PROSER1: variants seen among roughly 807,000 people sequenced by gnomAD.
PROSER1 encodes the protein proline and serine-rich protein 1.
In PROSER1, 36 loss-of-function variants were observed where a neutral mutation model predicts 71.8. That is an observed-to-expected ratio of 0.50 (90% CI 0.38 to 0.66). The LOEUF (loss-of-function observed/expected upper bound fraction) is 0.66, where lower values mean the gene tolerates loss of function less well. Among genes scored for constraint, PROSER1 ranks in the 30% least tolerant of loss-of-function variants. The pLI, the probability that PROSER1 is intolerant of heterozygous loss-of-function variation, is 0.00. For missense variants in PROSER1, 1,107 were observed against 1,135.0 expected (o/e 0.98, Z 0.35); for synonymous variants, 490 against 452.4 (o/e 1.08, Z -1.06).
At position 39,013,454 on chromosome 13, in the gene PROSER1, C is replaced by T. The variant is rs774465997; in HGVS notation, c.1798G>A (p.Ala600Thr). 110 of 1,614,066 alleles carry T rather than the reference C, an allele frequency of 6.8e-5. No individual in the cohort carries two copies. The highest frequency in any genetic ancestry group is 9.1e-5 in the Non-Finnish European group (107 of 1,180,028). The change falls in exon 11 of 13, where the codon GCA (alanine) becomes ACA (threonine). Residue 600 changes from alanine (A) to threonine (T), a missense_variant. Transcript: ENST00000352251. The part of the protein sequence containing the change: ...SDLHISSTPA[A>T]TTLPVMIKTE... ...TTGATCATAACAGGAAGAGTTGTTG[C>T]AGCAGGGGTAGATGAAATATGCAGA... is the stretch of plus-strand genomic sequence containing the variant.
chr13:39,019,733 A>C (rs1870201423), intron 9 of PROSER1, among the ~76,000 whole-genome samples: 1 of 152,012 alleles, frequency 6.6e-6, no homozygotes, highest in African/African-American at 2.4e-5. Context: ...AAAGGTAAGA[A>C]AAACAAAACT....
chr13:39,025,060 G>T (rs1402755142), intron 6 of PROSER1, among the ~76,000 whole-genome samples: 1 of 151,962 alleles, frequency 6.6e-6, no homozygotes, highest in Non-Finnish European at 1.5e-5. Flanking sequence ...AGTATGTTCT[G>T]ATTTTTCTTC....
intron 6 of PROSER1, among the ~76,000 whole-genome samples, chr13:39,025,186 A>G (rs559378578): frequency 6.6e-6 from 1 of 152,332 alleles, no homozygotes; most frequent in Non-Finnish European, 1.5e-5. Context: ...GGTGTTCTCT[A>G]TAAAGATTAA....
At chr13:39,022,679 T>C (rs1446819732) in intron 8 of PROSER1, 1 of 418,772 alleles carries the variant, frequency 2.4e-6, no homozygotes, top group Non-Finnish European at 4.3e-6. Flanking sequence ...CAGAACCTGC[T>C]ATACTTACAT....
In PROSER1 at chr13:39,011,116, A is replaced by C; in HGVS notation, c.*249T>G. 2.5e-6 allele frequency: 1 copy of C among 407,594 alleles called. No individual in the cohort carries two copies. Among genetic ancestry groups the C allele is most frequent in the Non-Finnish European group, 4.5e-6 (1 of 224,428 alleles). 25.2% of individuals were successfully genotyped at this position (407,594 alleles called of 1,614,324 possible). A position where few individuals can be genotyped will look rare whatever the true frequency, so the allele number is the denominator to read the frequency against. On this transcript the variant is annotated 3_prime_UTR_variant, in exon 13 of 13. Transcript: ENST00000352251. ...CATACACAATTCAAAATTTTATAGG[A>C]CAGGTGAAAAGTCTCCAAACACTTT... is the stretch of plus-strand genomic sequence containing the variant.
chr13:39,021,806 TCTC>T (rs1870303491), intron 9 of PROSER1, among the ~76,000 whole-genome samples: 2 of 152,202 alleles, frequency 1.3e-5, no homozygotes, highest in Admixed American at 1.3e-4. Flanking sequence ...TTTGGATGCC[TCTC>T]CTATGAGTTT....
intron 9 of PROSER1, chr13:39,017,841 T>C (rs954479193): frequency 3.6e-6 from 1 of 274,916 alleles, no homozygotes; most frequent in African/African-American, 2.3e-5. Context: ...ACACTGTTAA[T>C]TTTACATATA....
chr13:39,033,622 G>C (rs17059021), intron 2 of PROSER1, among the ~76,000 whole-genome samples: 2,265 of 152,248 alleles, frequency 0.015, 54 homozygotes, highest in African/African-American at 0.052. Context: ...GTGGAATGAA[G>C]TTTTCACTAA....
At chr13:39,015,934 A>AC (rs1869989042) in intron 10 of PROSER1, among the ~76,000 whole-genome samples, 1 of 152,200 alleles carries the variant, frequency 6.6e-6, no homozygotes, top group African/African-American at 2.4e-5. Context: ...TAAATAATGT[A>AC]CCAAAAAGGT....
intron 9 of PROSER1, among the ~76,000 whole-genome samples, chr13:39,019,662 G>A (rs1279749024): frequency 1.3e-5 from 2 of 151,630 alleles, no homozygotes; most frequent in East Asian, 1.9e-4. Context: ...GTTTGGGTGG[G>A]GTCAAGGAGA....
rs2138143817 is a variant in PROSER1, at chr13:39,037,358, C to A, written c.-116G>T. ...TTATAGCTGAGGAGGAAAAAGACTC[C>A]ACGAGCAAGAGAGGATGCGAAGAGG... is the stretch of plus-strand genomic sequence containing the variant. On this transcript the variant is annotated 5_prime_UTR_variant, in exon 1 of 13. Coordinates refer to ENST00000352251, the MANE Select transcript of PROSER1 (RefSeq NM_025138.5). 1.3e-6 allele frequency: 1 copy of A among 784,558 alleles called. No individual in the cohort carries two copies. Among genetic ancestry groups the A allele is most frequent in the Non-Finnish European group, 2.2e-6 (1 of 451,104 alleles). The allele number at this position is 784,558 out of a possible 1,614,324, so 48.6% of individuals were successfully genotyped here.
intron 1 of PROSER1, among the ~76,000 whole-genome samples, chr13:39,035,215 G>T (rs1013433137): frequency 6.6e-6 from 1 of 152,090 alleles, no homozygotes; most frequent in Non-Finnish European, 1.5e-5. Context: ...TGTATTCCTA[G>T]GAGTTTTATT....
At position 39,013,692 on chromosome 13, in the gene PROSER1, G is replaced by A. The variant is rs1164527798; in HGVS notation, c.1560C>T (p.Ala520=). The part of the protein sequence containing the change: ...SSASAPNKCY[A]PSAIPTPQRT... ...TCTGTGGGGTAGGGATGGCTGATGG[G>A]GCATAGCACTTGTTAGGGGCTGAAG... The change falls in exon 11 of 13, where the codon GCC becomes GCT. Residue 520 remains alanine (A), a synonymous_variant. Coordinates refer to ENST00000352251, the MANE Select transcript of PROSER1 (RefSeq NM_025138.5). The A allele has an allele frequency of 3.1e-6, 5 of 1,614,016 alleles. No homozygotes were observed. Among genetic ancestry groups the A allele is most frequent in the Non-Finnish European group, 4.2e-6 (5 of 1,180,022 alleles).
At chr13:39,011,522 G>A (rs1051320419) in intron 12 of PROSER1, 35 bp from the exon 13 acceptor site, 4 of 1,607,194 alleles carry the variant, frequency 2.5e-6, no homozygotes, top group Admixed American at 1.7e-5. Flanking sequence ...TTAGCAGAGT[G>A]CCAAGTTCAT....
Position 39,034,136 on chromosome 13 carries a change from C to G in PROSER1, c.106G>C (p.Glu36Gln), listed in dbSNP as rs1015818176. The G allele has an allele frequency of 1.3e-6, 2 of 1,571,764 alleles. No homozygotes were observed. Among genetic ancestry groups the G allele is most frequent in the Non-Finnish European group, 1.7e-6 (2 of 1,161,698 alleles). Residue 36 changes from glutamate to glutamine, a missense_variant, in exon 2 of 13, where the codon GAA becomes CAA. By Grantham distance (29) the Glu-to-Gln change is conservative (BLOSUM62 2). Transcript: ENST00000352251. ...IEYVHGYFSS[E>Q]QVVDLLRYFS... ...AAACAAATAATGAGGAATACCTGTT[C>G]ACTAGAAAAGTATCCATGCACATAT...
Position 39,013,670 on chromosome 13 carries a change from G to A in PROSER1, c.1582C>T (p.Gln528Ter). ...CYAPSAIPTP[Q>*]RTSTPGLALF... ...GCCAACCCTGGAGTGGAAGTCCTCT[G>A]TGGGGTAGGGATGGCTGATGGGGCA... Residue 528 changes from glutamine (Q) to a stop codon, truncating the protein, a stop_gained, in exon 11 of 13, where the codon CAG (glutamine) becomes TAG (stop). Transcript: ENST00000352251. LOFTEE classifies it high-confidence loss of function. 1 of 1,614,218 alleles carries A rather than the reference G, an allele frequency of 6.2e-7. No individual in the cohort carries two copies. The highest frequency in any genetic ancestry group is 8.5e-7 in the Non-Finnish European group (1 of 1,180,032).
rs147842168 is a variant in PROSER1, at chr13:39,012,847, G to A, written c.2405C>T (p.Ala802Val). The change falls in exon 11 of 13, where the codon GCT (alanine) becomes GTT (valine). Residue 802 changes from alanine to valine, a missense_variant. Physicochemically the swap from Ala to Val is moderately conservative, Grantham distance 64. Coordinates refer to ENST00000352251, the MANE Select transcript of PROSER1 (RefSeq NM_025138.5). ...SVSNTPSVTPALPSFPGLQAP... is the reference protein window; with the variant it reads ...SVSNTPSVTPVLPSFPGLQAP... ...CTGCAGCCCCGGGAATGAGGGAAGA[G>A]CAGGGGTAACGCTTGGGGTATTAGA... 1.4e-4 allele frequency: 232 copies of A among 1,614,226 alleles called. No homozygotes were observed. Among genetic ancestry groups the A allele is most frequent in the Non-Finnish European group, 1.8e-4 (217 of 1,180,046 alleles).
chr13:39,031,658 A>G (rs781681367), intron 2 of PROSER1, 27 bp from the exon 3 acceptor site: 2 of 1,586,688 alleles, frequency 1.3e-6, no homozygotes, highest in Non-Finnish European at 8.6e-7. Context: ...AACAGCTCTA[A>G]TGACAGCATG....
At chr13:39,031,227 G>A (rs966948778) in intron 3 of PROSER1, among the ~76,000 whole-genome samples, 1 of 152,098 alleles carries the variant, frequency 6.6e-6, no homozygotes. Context: ...AAATTTATTT[G>A]GACAGTAATA....
Sources: allele counts gnomAD v4.1 joint callset (sites outside exome capture counted in the v4.1 genomes callset), GRCh38; gene constraint gnomAD v4.1.1; transcripts MANE v1.5; gene names NCBI Gene and HGNC (gene_info 2026-07-23, HGNC 2026-07-21).